The following LMO7 variants were observed in gnomAD, a reference collection of about 807,000 sequenced individuals.
LMO7 encodes LIM domain 7, also known as LIM domain only protein 7.
A neutral mutation model predicts 206.5 loss-of-function variants in LMO7; 120 were observed. That is an observed-to-expected ratio of 0.58 (90% CI 0.50 to 0.68). The LOEUF (loss-of-function observed/expected upper bound fraction) is 0.68. LMO7 is among the 30% of genes least tolerant of loss of function. The pLI, the probability that LMO7 is intolerant of heterozygous loss-of-function variation, is 0.00. For synonymous variants in LMO7, 706 were observed against 681.5 expected, an observed-to-expected ratio of 1.04 and a Z score of -0.56; for missense variants, 1,959 against 1,957.9, an observed-to-expected ratio of 1.00 and a Z score of -0.01.
chr13:75,816,240 C>T lies in LMO7; in HGVS notation c.1947-921C>T, dbSNP rs533972415. Among the ~76,000 whole-genome samples the T allele has an allele frequency of 2.0e-5, 3 of 152,222 alleles. No homozygotes were observed. The South Asian group carries it at 6.2e-4, about 32-fold the overall frequency. ...ATCTTGGAAGGCAAAATTTAGATGC[C>T]CAGGCAAGAGGTGTACAGTTACTTA... is the stretch of plus-strand genomic sequence containing the variant. On this transcript the variant is annotated intron_variant, in intron 11 of 30. Transcript: ENST00000377534.
intron 3 of LMO7, among the ~76,000 whole-genome samples, chr13:75,753,773 G>C (rs533504156): frequency 6.6e-6 from 1 of 152,280 alleles, no homozygotes; most frequent in East Asian, 1.9e-4. Context: ...CTCCAGTCCT[G>C]TGGAACTGTG....
intron 1 of LMO7, among the ~76,000 whole-genome samples, chr13:75,673,925 A>G (rs1408301390): frequency 6.6e-6 from 1 of 152,142 alleles, no homozygotes; most frequent in Non-Finnish European, 1.5e-5. Context: ...TATTATAGTT[A>G]GCTGTTTCTT....
intron 15 of LMO7, among the ~76,000 whole-genome samples, chr13:75,826,865 G>A (rs1346794947): frequency 6.6e-6 from 1 of 152,102 alleles, no homozygotes; most frequent in Non-Finnish European, 1.5e-5. Flanking sequence ...AAAGAGACAC[G>A]ATTCACCTGC....
upstream of LMO7, among the ~76,000 whole-genome samples, chr13:75,632,780 T>C (rs762323075): frequency 1.4e-4 from 22 of 152,130 alleles, no homozygotes; most frequent in Non-Finnish European, 2.5e-4. Flanking sequence ...GAATAGTGCA[T>C]AGGATTCAGC....
chr13:75,768,007 A>G (rs2049124286), intron 4 of LMO7, among the ~76,000 whole-genome samples: 1 of 152,070 alleles, frequency 6.6e-6, no homozygotes, highest in Admixed American at 6.6e-5. Context: ...AACTTGGCAA[A>G]TCATATCATT....
intron 3 of LMO7, among the ~76,000 whole-genome samples, chr13:75,743,257 G>A (rs1444755586): frequency 2.6e-5 from 4 of 151,976 alleles, no homozygotes; most frequent in Non-Finnish European, 5.9e-5. Flanking sequence ...ATAAACTGTT[G>A]GTGGGAGTGT....
intron 28 of LMO7, 55 bp from the exon 29 acceptor site, chr13:75,855,205 A>G (rs1377804388): frequency 9.7e-7 from 1 of 1,033,398 alleles, no homozygotes; most frequent in African/African-American, 1.6e-5. Flanking sequence ...CTTTTAAAGA[A>G]GAATCTTGAG....
intron 2 of LMO7, among the ~76,000 whole-genome samples, chr13:75,723,976 G>A (rs1594533757): frequency 6.6e-6 from 1 of 152,066 alleles, no homozygotes. Context: ...GCAACCTCTT[G>A]TTGTGGAAGG....
chr13:75,671,584 G>C (rs2039585179), intron 1 of LMO7, among the ~76,000 whole-genome samples: 1 of 152,066 alleles, frequency 6.6e-6, no homozygotes, highest in African/African-American at 2.4e-5. Flanking sequence ...GTTCCTTCTA[G>C]CCCTCATGAA....
At chr13:75,696,525 G>C (rs1017248072) in intron 1 of LMO7, among the ~76,000 whole-genome samples, 2 of 152,146 alleles carry the variant, frequency 1.3e-5, no homozygotes, top group Non-Finnish European at 2.9e-5. Context: ...CTTAGTAGTA[G>C]GTCTCTCAGG....
chr13:75,849,398 C>T (rs2060288012), intron 27 of LMO7, 106 bp downstream of exon 27: 26 of 821,490 alleles, frequency 3.2e-5, no homozygotes, highest in Non-Finnish European at 2.2e-5. Flanking sequence ...GAACATAGAG[C>T]GAACGCTCTG....
chr13:75,677,978 T>C (rs1378203981), intron 1 of LMO7, among the ~76,000 whole-genome samples: 1 of 152,126 alleles, frequency 6.6e-6, no homozygotes, highest in Non-Finnish European at 1.5e-5. Context: ...GAACTCATCA[T>C]TTTTTATGCC....
chr13:75,713,087 A>C, intron 1 of LMO7, 95 bp from the exon 2 acceptor site: 1 of 781,642 alleles, frequency 1.3e-6, no homozygotes, highest in Admixed American at 2.4e-5. Context: ...TCCTTCAAGT[A>C]TAACATTAAA....
At chr13:75,757,029 C>A (rs1161105174) in intron 3 of LMO7, among the ~76,000 whole-genome samples, 1 of 152,174 alleles carries the variant, frequency 6.6e-6, no homozygotes, top group Non-Finnish European at 1.5e-5. Flanking sequence ...TAGGGCTGAT[C>A]TGTGTAACCA....
At chr13:75,735,123 G>T (rs1056526553) in intron 3 of LMO7, among the ~76,000 whole-genome samples, 2 of 147,664 alleles carry the variant, frequency 1.4e-5, no homozygotes, top group African/African-American at 4.9e-5. Context: ...TTACGTGTGT[G>T]TGTGTGTGTG....
At position 75,808,154 on chromosome 13, in the gene LMO7, G is replaced by C; in HGVS notation, c.1871G>C (p.Arg624Pro). 6.2e-7 allele frequency: 1 copy of C among 1,613,782 alleles called. No individual in the cohort carries two copies. The highest frequency in any genetic ancestry group is 8.5e-7 in the Non-Finnish European group (1 of 1,179,800). Residue 624 changes from arginine (R) to proline (P), a missense_variant, in exon 10 of 31, where the codon CGG (arginine) becomes CCG (proline). Physicochemically the swap from Arg to Pro is moderately radical, Grantham distance 103. Coordinates refer to ENST00000377534, the MANE Select transcript of LMO7 (RefSeq NM_001306080.2). ...EADLKRWEAIREASRLRHKKR... is the reference protein window; with the variant it reads ...EADLKRWEAIPEASRLRHKKR... ...GACTTGAAGAGATGGGAGGCCATCC[G>C]GGAGGCCAGCAGACTTAGGCACAAG... is the stretch of plus-strand genomic sequence containing the variant.
chr13:75,805,507 G>A lies in LMO7; in HGVS notation c.943G>A (p.Val315Met), dbSNP rs1299298884. 1.5e-5 allele frequency: 24 copies of A among 1,614,024 alleles called. No individual in the cohort carries two copies. The highest frequency in any genetic ancestry group is 1.9e-5 in the Non-Finnish European group (23 of 1,179,878). Residue 315 changes from valine (V) to methionine (M), a missense_variant, in exon 9 of 31, where the codon GTG becomes ATG. Physicochemically the swap from Val to Met is conservative, Grantham distance 21. Transcript: ENST00000377534. ...SNQRRIWGTN[V>M]ENWPTVQGTS... The stretch of plus-strand genomic sequence containing the variant: ...TCAGAGGAGGATTTGGGGCACCAAT[G>A]TGGAGAACTGGCCAACTGTACAAGG...
At chr13:75,633,604 G>C (rs1165147579), upstream of LMO7, among the ~76,000 whole-genome samples, 1 of 152,008 alleles carries the variant, frequency 6.6e-6, no homozygotes, top group Non-Finnish European at 1.5e-5. Context: ...ATAAGGCAAT[G>C]TCATTCCAAA....
At chr13:75,745,462 T>C (rs1343916198) in intron 3 of LMO7, among the ~76,000 whole-genome samples, 3 of 152,190 alleles carry the variant, frequency 2.0e-5, no homozygotes, top group African/African-American at 7.2e-5. Flanking sequence ...GTGGTTGCTA[T>C]GTGAAAAATA....
Sources: gnomAD v4.1 joint callset for allele counts (sites outside exome capture counted in the v4.1 genomes callset) on GRCh38, gnomAD v4.1.1 for gene constraint, MANE v1.5 for transcripts, NCBI Gene and HGNC (gene_info 2026-07-23, HGNC 2026-07-21) for gene names.